The following GAS2L3 variants were observed in gnomAD, a reference collection of about 807,000 sequenced individuals.
GAS2L3 encodes the protein growth arrest specific 2 like 3, also known as GAS2-like protein 3.
Under a neutral mutation model 37.0 loss-of-function variants are expected in GAS2L3, and 28 were observed. That is an observed-to-expected ratio of 0.76 (90% CI 0.56 to 1.04). The LOEUF is 1.04. Ranked by LOEUF, GAS2L3 falls within the 50% of genes least tolerant of loss-of-function variation. GAS2L3 has a pLI of 0.00. For synonymous variants in GAS2L3, 290 were observed against 296.6 expected (o/e 0.98, Z 0.23); for missense variants, 793 against 817.6 (o/e 0.97, Z 0.37).
chr12:100,609,315 C>T (rs1247728974), intron 5 of GAS2L3, among the ~76,000 whole-genome samples: 1 of 152,198 alleles, frequency 6.6e-6, no homozygotes, highest in Non-Finnish European at 1.5e-5. Context: ...ACACCCATGG[C>T]ATATTACCTG....
At chr12:100,607,954 G>T (rs1228227074) in intron 5 of GAS2L3, among the ~76,000 whole-genome samples, 1 of 152,082 alleles carries the variant, frequency 6.6e-6, no homozygotes, top group Non-Finnish European at 1.5e-5. Context: ...TTCCTGGATG[G>T]TCTTGATGCT....
intron 1 of GAS2L3, among the ~76,000 whole-genome samples, chr12:100,576,159 A>G (rs772992212): frequency 1.3e-5 from 2 of 152,192 alleles, no homozygotes; most frequent in Non-Finnish European, 2.9e-5. Flanking sequence ...AATAGAAATG[A>G]TGTTTGGAGA....
At chr12:100,603,705 A>G (rs997190934) in intron 5 of GAS2L3, among the ~76,000 whole-genome samples, 2 of 152,140 alleles carry the variant, frequency 1.3e-5, no homozygotes, top group Non-Finnish European at 2.9e-5. Context: ...GCTTTTGCCC[A>G]GACCAATATC....
At chr12:100,594,505 G>T (rs1255392778) in intron 2 of GAS2L3, among the ~76,000 whole-genome samples, 1 of 151,914 alleles carries the variant, frequency 6.6e-6, no homozygotes, top group African/African-American at 2.4e-5. Context: ...AATATCAGTT[G>T]TTGTAATATT....
intron 7 of GAS2L3, 98 bp downstream of exon 7, chr12:100,617,905 C>G: frequency 1.5e-6 from 1 of 683,868 alleles, no homozygotes; most frequent in South Asian, 2.0e-5. Context: ...TAAAAAAATG[C>G]TTTAAATGAA....
In GAS2L3 at chr12:100,624,984, TG is replaced by T. The variant is rs1193884035; in HGVS notation, c.*95del. The T allele has an allele frequency of 5.3e-6, 5 of 944,064 alleles. No individual in the cohort carries two copies. The African/African-American group carries it at 8.3e-5, about 16-fold the overall frequency. The allele number at this position is 944,064 out of a possible 1,614,324, so 58.5% of individuals were successfully genotyped here. Reference sequence around the variant, plus strand: ...TCCTATTTGTGTCTGTCTAAATAGGTGCAGACACTAAGGATAGTGAGGATGG... The same window carrying T: ...TCCTATTTGTGTCTGTCTAAATAGGTCAGACACTAAGGATAGTGAGGATGG... On this transcript the variant is annotated 3_prime_UTR_variant, in exon 10 of 10. Transcript: ENST00000547754.
rs539288986 is a variant in GAS2L3 at position 100,590,605 on chromosome 12, A to C, written c.-151-1131A>C. On this transcript the variant is annotated intron_variant, in intron 1 of 9. Transcript: ENST00000547754. ...GGAAAAGAAGTCATTCGAAAAAGATACTTGCACATGCATGTTTATAGCAGC... is the reference window on the plus strand; with the variant it reads ...GGAAAAGAAGTCATTCGAAAAAGATCCTTGCACATGCATGTTTATAGCAGC... Among the ~76,000 whole-genome samples, 30 of 152,340 alleles carry C rather than the reference A, an allele frequency of 2.0e-4. No homozygotes were observed. In the East Asian group the frequency reaches 4.8e-3, roughly 24 times the overall value.
chr12:100,576,910 T>C (rs944519583), intron 1 of GAS2L3, among the ~76,000 whole-genome samples: 1 of 152,216 alleles, frequency 6.6e-6, no homozygotes, highest in Non-Finnish European at 1.5e-5. Flanking sequence ...CCATCAGTCA[T>C]GTGCTGGATA....
At chr12:100,580,136 C>G (rs186789515) in intron 1 of GAS2L3, 1 of 824,458 alleles carries the variant, frequency 1.2e-6, no homozygotes, top group East Asian at 2.4e-5. Context: ...GGTGCCTGGA[C>G]TCATAAATGT....
chr12:100,598,370 T>G (rs935027108), intron 3 of GAS2L3, among the ~76,000 whole-genome samples: 11 of 152,182 alleles, frequency 7.2e-5, no homozygotes, highest in Admixed American at 5.9e-4. Flanking sequence ...AGAATGTCCC[T>G]CAATTTGGAT....
intron 6 of GAS2L3, among the ~76,000 whole-genome samples, chr12:100,613,942 A>T (rs1167941918): frequency 6.6e-6 from 1 of 152,150 alleles, no homozygotes; most frequent in Admixed American, 6.5e-5. Context: ...CAATTCATGC[A>T]CATATTGCAC....
chr12:100,624,440 A>G lies in GAS2L3; in HGVS notation c.1635A>G (p.Gln545=). 1 of 1,614,072 alleles carries G rather than the reference A, an allele frequency of 6.2e-7. No homozygotes were observed. Among genetic ancestry groups the G allele is most frequent in the Non-Finnish European group, 8.5e-7 (1 of 1,180,018 alleles). ...TQSQPSDGAP[Q]AKPVPAQKLK... ...CTCAACCATCCGATGGAGCCCCACAAGCAAAGCCAGTCCCAGCACAGAAAC... is the reference window on the plus strand; with the variant it reads ...CTCAACCATCCGATGGAGCCCCACAGGCAAAGCCAGTCCCAGCACAGAAAC... Residue 545 remains glutamine, a synonymous_variant, in exon 10 of 10, where the codon CAA becomes CAG. Coordinates refer to ENST00000547754, the MANE Select transcript of GAS2L3 (RefSeq NM_174942.3).
At chr12:100,581,931 A>G (rs1955717689) in intron 1 of GAS2L3, among the ~76,000 whole-genome samples, 2 of 152,268 alleles carry the variant, frequency 1.3e-5, no homozygotes, top group African/African-American at 4.8e-5. Flanking sequence ...TGTAAAATAT[A>G]TAACTTGCAA....
chr12:100,600,691 C>T (rs1268379000), intron 4 of GAS2L3, 141 bp downstream of exon 4: 2 of 704,076 alleles, frequency 2.8e-6, no homozygotes, highest in East Asian at 5.5e-5. Context: ...CTTGGTCTCA[C>T]CCAGGTTACA....
At chr12:100,574,109 G>C (rs1955606346) in intron 1 of GAS2L3, 1 of 152,304 alleles carries the variant, frequency 6.6e-6, no homozygotes, top group African/African-American at 2.4e-5. Flanking sequence ...GGGGAGGAGG[G>C]ATCCAGCCGC....
intron 1 of GAS2L3, among the ~76,000 whole-genome samples, chr12:100,576,859 T>A (rs1027571222): frequency 3.3e-5 from 5 of 152,230 alleles, no homozygotes; most frequent in Non-Finnish European, 5.9e-5. Flanking sequence ...TGTGATGTCA[T>A]CTTTGCCTCT....
In GAS2L3 at chr12:100,623,715, G is replaced by T. The variant is rs1024731201; in HGVS notation, c.910G>T (p.Val304Leu). Reference protein sequence around the residue: ...AFQKGVSNESVPDSPARTPQP... With the variant: ...AFQKGVSNESLPDSPARTPQP... ...TCAAAAAGGAGTTTCTAATGAAAGT[G>T]TACCTGATTCGCCTGCCAGAACACC... is the stretch of plus-strand genomic sequence containing the variant. The change falls in exon 10 of 10, where the codon GTA becomes TTA. Residue 304 changes from valine to leucine, a missense_variant. Transcript: ENST00000547754. 1.2e-6 allele frequency: 2 copies of T among 1,613,840 alleles called. No individual in the cohort carries two copies. Among genetic ancestry groups the T allele is most frequent in the Non-Finnish European group, 1.7e-6 (2 of 1,179,934 alleles).
intron 5 of GAS2L3, among the ~76,000 whole-genome samples, chr12:100,607,800 T>C (rs1459029194): frequency 6.6e-6 from 1 of 152,104 alleles, no homozygotes; most frequent in African/African-American, 2.4e-5. Flanking sequence ...TTTGTTAAAT[T>C]TGTCTGATAG....
At chr12:100,614,716 T>G (rs895929172) in intron 6 of GAS2L3, among the ~76,000 whole-genome samples, 2 of 152,344 alleles carry the variant, frequency 1.3e-5, no homozygotes, top group African/African-American at 4.8e-5. Context: ...AGGCAAACTC[T>G]GTTCTCTGTC....
Sources: allele counts gnomAD v4.1 joint callset (sites outside exome capture counted in the v4.1 genomes callset), GRCh38; gene constraint gnomAD v4.1.1; transcripts MANE v1.5; gene names NCBI Gene and HGNC (gene_info 2026-07-23, HGNC 2026-07-21).